SH3GLB1: variants seen among roughly 807,000 people sequenced by gnomAD.
SH3GLB1 encodes SH3 domain containing GRB2 like, endophilin B1.
In SH3GLB1, 17 loss-of-function variants were observed where a neutral mutation model predicts 42.0. The ratio of observed to expected loss-of-function variants is 0.40; its 90% CI spans 0.28 to 0.61. The LOEUF is 0.61. Ranked by LOEUF, SH3GLB1 falls within the 20% of genes least tolerant of loss-of-function variation. The pLI, the probability that SH3GLB1 is intolerant of heterozygous loss-of-function variation, is 0.36. For missense variants in SH3GLB1, 355 were observed against 426.3 expected (o/e 0.83, Z 1.47); for synonymous variants, 132 against 146.6 (o/e 0.90, Z 0.72).
intron 7 of SH3GLB1, among the ~76,000 whole-genome samples, chr1:86,739,828 A>C (rs1655970508): frequency 6.6e-6 from 1 of 152,158 alleles, no homozygotes; most frequent in Admixed American, 6.6e-5. Context: ...AGGAATTAGC[A>C]TCAGGAGCAT....
chr1:86,735,557 G>C (rs1025360546), intron 7 of SH3GLB1, among the ~76,000 whole-genome samples: 1 of 151,966 alleles, frequency 6.6e-6, no homozygotes, highest in Non-Finnish European at 1.5e-5. Flanking sequence ...TTACTATATT[G>C]AAAAAAAGTT....
chr1:86,724,937 GTA>G (rs995799239), intron 5 of SH3GLB1, among the ~76,000 whole-genome samples: 1 of 127,102 alleles, frequency 7.9e-6, no homozygotes, highest in African/African-American at 3.2e-5. Flanking sequence ...ATATGTGTGT[GTA>G]TATATATAAA....
At chr1:86,718,721 C>G (rs1654697419) in intron 2 of SH3GLB1, among the ~76,000 whole-genome samples, 1 of 152,204 alleles carries the variant, frequency 6.6e-6, no homozygotes, top group African/African-American at 2.4e-5. Flanking sequence ...TGAAATACCT[C>G]TAGGTTGGAC....
rs1558331225 is a variant in SH3GLB1, at chr1:86,735,116, C to T, written c.698C>T (p.Ala233Val). 6.2e-7 allele frequency: 1 copy of T among 1,612,950 alleles called. No homozygotes were observed. Among genetic ancestry groups the T allele is most frequent in the African/African-American group, 1.3e-5 (1 of 74,980 alleles). The change falls in exon 7 of 9, where the codon GCC (alanine) becomes GTC (valine). Residue 233 changes from alanine (A) to valine (V), a missense_variant. Coordinates refer to ENST00000370558, the MANE Select transcript of SH3GLB1 (RefSeq NM_016009.5). ...CGCTGTCTGAATGACTTTGTAGAAG[C>T]CCAGATGACTTACTATGCACAGTGT... ...HLRCLNDFVE[A>V]QMTYYAQCYQ...
intron 3 of SH3GLB1, among the ~76,000 whole-genome samples, chr1:86,721,116 C>G (rs567209997): frequency 6.6e-6 from 1 of 152,218 alleles, no homozygotes; most frequent in East Asian, 1.9e-4. Context: ...GATTTTCTTC[C>G]CTTTTAAATC....
intron 5 of SH3GLB1, among the ~76,000 whole-genome samples, chr1:86,725,775 C>G (rs764211489): frequency 6.6e-6 from 1 of 152,116 alleles, no homozygotes; most frequent in Non-Finnish European, 1.5e-5. Context: ...ATAGTAATGT[C>G]TTACGAGACT....
At chr1:86,712,720 C>T (rs1219676951) in intron 1 of SH3GLB1, among the ~76,000 whole-genome samples, 1 of 151,894 alleles carries the variant, frequency 6.6e-6, no homozygotes, top group African/African-American at 2.4e-5. Flanking sequence ...TAGACTGTCT[C>T]ACTCATGTGT....
At chr1:86,706,243 C>T (rs998282934) in intron 1 of SH3GLB1, among the ~76,000 whole-genome samples, 1 of 152,200 alleles carries the variant, frequency 6.6e-6, no homozygotes, top group East Asian at 1.9e-4. Context: ...GCTGCTTTTT[C>T]TTCCGGGATA....
At chr1:86,705,104 G>A in intron 1 of SH3GLB1, 133 bp downstream of exon 1, 3 of 573,218 alleles carry the variant, frequency 5.2e-6, no homozygotes, top group Non-Finnish European at 8.8e-6. Context: ...CCTGGGAGAT[G>A]GGCGCGGCCT....
intron 1 of SH3GLB1, among the ~76,000 whole-genome samples, chr1:86,713,899 C>A (rs188991466): frequency 8.5e-5 from 13 of 152,202 alleles, no homozygotes; most frequent in Non-Finnish European, 5.9e-5. Context: ...AAAATGTAAG[C>A]TTCCTAAGAA....
intron 5 of SH3GLB1, among the ~76,000 whole-genome samples, chr1:86,725,830 G>T (rs1196599034): frequency 6.6e-6 from 1 of 151,988 alleles, no homozygotes; most frequent in Non-Finnish European, 1.5e-5. Context: ...TTTGTCTATG[G>T]TTTTTTTCTT....
chr1:86,731,698 A>G (rs1340055529), intron 5 of SH3GLB1, among the ~76,000 whole-genome samples: 2 of 152,172 alleles, frequency 1.3e-5, no homozygotes, highest in African/African-American at 2.4e-5. Context: ...TTATATACAT[A>G]TATATAAAAA....
Position 86,729,939 on chromosome 1 carries a change from T to G in SH3GLB1, c.571-4663T>G, listed in dbSNP as rs2101965863. On this transcript the variant is annotated intron_variant, in intron 5 of 8. Coordinates refer to ENST00000370558, the MANE Select transcript of SH3GLB1 (RefSeq NM_016009.5). Reference sequence around the variant, plus strand: ...TCACAGTATGTTAAGCTGTACCGATTTAGTTACTACTGTGTTTAATCTATA... The same window carrying G: ...TCACAGTATGTTAAGCTGTACCGATGTAGTTACTACTGTGTTTAATCTATA... 3 of 674,022 alleles carry G rather than the reference T, an allele frequency of 4.5e-6. No individual in the cohort carries two copies. In the South Asian group the frequency reaches 6.8e-5, roughly 15 times the overall value. 41.8% of individuals were successfully genotyped at this position (674,022 alleles called of 1,614,324 possible). A position where few individuals can be genotyped will look rare whatever the true frequency, so the allele number is the denominator to read the frequency against.
At chr1:86,739,165 G>C (rs1655933883) in intron 7 of SH3GLB1, among the ~76,000 whole-genome samples, 1 of 152,188 alleles carries the variant, frequency 6.6e-6, no homozygotes, top group South Asian at 2.1e-4. Context: ...TGGGGGCAGG[G>C]TGAATTAGAT....
At chr1:86,742,760 G>A (rs1656118578) in intron 8 of SH3GLB1, among the ~76,000 whole-genome samples, 1 of 152,050 alleles carries the variant, frequency 6.6e-6, no homozygotes, top group South Asian at 2.1e-4. Flanking sequence ...AGGAGTTCAA[G>A]ACCAGCCTGG....
chr1:86,711,218 A>G (rs1464700882), intron 1 of SH3GLB1, among the ~76,000 whole-genome samples: 1 of 151,830 alleles, frequency 6.6e-6, no homozygotes, highest in African/African-American at 2.4e-5. Context: ...TCACACACCC[A>G]TTTTATTTGT....
intron 7 of SH3GLB1, among the ~76,000 whole-genome samples, chr1:86,741,786 G>A (rs1020020042): frequency 2.0e-5 from 3 of 152,018 alleles, no homozygotes; most frequent in African/African-American, 7.2e-5. Context: ...AAAAGGTTTA[G>A]TTATTCAAAT....
chr1:86,714,018 A>G (rs1354986800), intron 1 of SH3GLB1, among the ~76,000 whole-genome samples: 2 of 152,234 alleles, frequency 1.3e-5, no homozygotes, highest in African/African-American at 2.4e-5. Flanking sequence ...AACAAAATGA[A>G]CAAACAAATG....
chr1:86,726,534 A>G (rs1446192118), intron 5 of SH3GLB1, among the ~76,000 whole-genome samples: 1 of 152,064 alleles, frequency 6.6e-6, no homozygotes, highest in Non-Finnish European at 1.5e-5. Context: ...AAGATGATAC[A>G]AATGATTTTA....
Sources: allele counts gnomAD v4.1 joint callset (sites outside exome capture counted in the v4.1 genomes callset), GRCh38; gene constraint gnomAD v4.1.1; transcripts MANE v1.5; gene names NCBI Gene and HGNC (gene_info 2026-07-23, HGNC 2026-07-21).